NOS1AP: variants seen among roughly 807,000 people sequenced by gnomAD.
The protein encoded by NOS1AP is carboxyl-terminal PDZ ligand of neuronal nitric oxide synthase protein.
In NOS1AP, 21 loss-of-function variants were observed where a neutral mutation model predicts 56.2. The observed-to-expected ratio is 0.37, with a 90% CI of 0.26 to 0.54. The LOEUF is 0.54. Among genes scored for constraint, NOS1AP ranks in the 20% least tolerant of loss-of-function variants. The pLI is 0.84. For missense variants in NOS1AP, 522 were observed against 657.8 expected, an observed-to-expected ratio of 0.79 and a Z score of 2.26; for synonymous variants, 270 against 274.6, an observed-to-expected ratio of 0.98 and a Z score of 0.17.
intron 1 of NOS1AP, among the ~76,000 whole-genome samples, chr1:162,140,292 T>C (rs1649182429): frequency 6.6e-6 from 1 of 152,000 alleles, no homozygotes; most frequent in Admixed American, 6.6e-5. Context: ...TAGGACAGAG[T>C]GTGGTCAATC....
At position 162,355,266 on chromosome 1, in the gene NOS1AP, T is replaced by A. The variant is rs1268500778; in HGVS notation, c.675T>A (p.Leu225=). The A allele has an allele frequency of 1.2e-6, 2 of 1,613,926 alleles. No homozygotes were observed. The highest frequency in any genetic ancestry group is 1.7e-6 in the Non-Finnish European group (2 of 1,180,000). ...ETDIDAVEVP[L]PGNDVLEFSR... ...ACATCGATGCGGTGGAGGTCCCACT[T>A]CCAGGGAATGATGTCCTGGAATTCA... Residue 225 remains leucine (L), a synonymous_variant, in exon 7 of 10, where the codon CTT becomes CTA. Transcript: ENST00000361897.
At chr1:162,181,826 G>T (rs934489654) in intron 2 of NOS1AP, among the ~76,000 whole-genome samples, 6 of 152,304 alleles carry the variant, frequency 3.9e-5, no homozygotes, top group African/African-American at 1.2e-4. Flanking sequence ...TACTCTCCTT[G>T]TATCAGACAG....
At chr1:162,102,263 A>G (rs1226889065) in intron 1 of NOS1AP, among the ~76,000 whole-genome samples, 1 of 152,174 alleles carries the variant, frequency 6.6e-6, no homozygotes, top group Non-Finnish European at 1.5e-5. Context: ...TGATTTGTGT[A>G]TGTTGAACCA....
intron 1 of NOS1AP, among the ~76,000 whole-genome samples, chr1:162,082,113 A>G (rs1691908895): frequency 6.6e-6 from 1 of 151,868 alleles, no homozygotes; most frequent in Non-Finnish European, 1.5e-5. Context: ...GAAAGGCCGC[A>G]GTGTGTGGTG....
intron 1 of NOS1AP, among the ~76,000 whole-genome samples, chr1:162,120,585 G>C (rs2102051304): frequency 6.6e-6 from 1 of 152,334 alleles, no homozygotes; most frequent in South Asian, 2.1e-4. Flanking sequence ...TGTGGCGACA[G>C]GCAAGAGAGA....
At chr1:162,251,670 G>C (rs1377619090) in intron 2 of NOS1AP, among the ~76,000 whole-genome samples, 2 of 150,860 alleles carry the variant, frequency 1.3e-5, no homozygotes, top group Non-Finnish European at 3.0e-5. Flanking sequence ...ATGTGTGTGT[G>C]TATGTGTGTG....
rs189187892 is a variant in NOS1AP at position 162,271,433 on chromosome 1, G to A, written c.178-15911G>A. Among the ~76,000 whole-genome samples, 235 of 152,310 alleles carry A rather than the reference G, an allele frequency of 1.5e-3. 1 individual carries two copies. Among genetic ancestry groups the A allele is most frequent in the East Asian group, 2.9e-3 (15 of 5,188 alleles). The stretch of plus-strand genomic sequence containing the variant: ...GAGGGCCACGTGGTGAGCACCAGCC[G>A]AGGCTAAATAGGATAATAGATATGA... On this transcript the variant is annotated intron_variant, in intron 2 of 9. Transcript: ENST00000361897.
chr1:162,076,151 C>T (rs1157616343), intron 1 of NOS1AP, among the ~76,000 whole-genome samples: 2 of 152,150 alleles, frequency 1.3e-5, no homozygotes, highest in Non-Finnish European at 2.9e-5. Flanking sequence ...TAATTACCTG[C>T]CTTCCCTTTA....
At chr1:162,354,189 G>A (rs1490431278) in intron 6 of NOS1AP, among the ~76,000 whole-genome samples, 2 of 152,242 alleles carry the variant, frequency 1.3e-5, no homozygotes, top group Admixed American at 1.3e-4. Flanking sequence ...CAGCACTGGG[G>A]CATCAGCTCT....
chr1:162,258,676 A>G (rs1483323245), intron 2 of NOS1AP, among the ~76,000 whole-genome samples: 1 of 152,174 alleles, frequency 6.6e-6, no homozygotes, highest in Non-Finnish European at 1.5e-5. Context: ...CTTGGGTGAC[A>G]TTCTGACAGC....
intron 6 of NOS1AP, among the ~76,000 whole-genome samples, chr1:162,346,858 C>T (rs1657310838): frequency 6.6e-6 from 1 of 152,176 alleles, no homozygotes; most frequent in African/African-American, 2.4e-5. Context: ...GATCTTGACT[C>T]ATAAAATATT....
intron 2 of NOS1AP, among the ~76,000 whole-genome samples, chr1:162,159,515 G>A (rs1005492458): frequency 1.3e-5 from 2 of 152,130 alleles, no homozygotes. Flanking sequence ...GAGATACTGA[G>A]CTGCCTCATC....
chr1:162,156,544 G>C (rs1237028797), intron 2 of NOS1AP, among the ~76,000 whole-genome samples: 1 of 152,150 alleles, frequency 6.6e-6, no homozygotes, highest in African/African-American at 2.4e-5. Flanking sequence ...TGTGGTTGCT[G>C]CTGTGATAAG....
intron 1 of NOS1AP, among the ~76,000 whole-genome samples, chr1:162,128,245 T>A (rs904642675): frequency 6.6e-6 from 1 of 152,154 alleles, no homozygotes; most frequent in Non-Finnish European, 1.5e-5. Flanking sequence ...AACCTGATTG[T>A]CCCAACATTG....
intron 1 of NOS1AP, among the ~76,000 whole-genome samples, chr1:162,148,080 G>T (rs908176509): frequency 2.6e-5 from 4 of 152,222 alleles, no homozygotes; most frequent in African/African-American, 9.6e-5. Flanking sequence ...TCCAATTGAA[G>T]TACCTGGATA....
rs745706669 is a variant in NOS1AP at position 162,300,641 on chromosome 1, A to G, written c.279A>G (p.Leu93=). ...AACTTATTCATTTACAGCTTCTTTT[A>G]TTGCAGAAAAAGGAATGGACGTGGG... ...VILKKKKKLL[L]LQKKEWTWDE... The change falls in exon 4 of 10, where the codon TTA becomes TTG. Residue 93 remains leucine, a synonymous_variant. Coordinates refer to ENST00000361897, the MANE Select transcript of NOS1AP (RefSeq NM_014697.3). 1 of 1,613,950 alleles carries G rather than the reference A, an allele frequency of 6.2e-7. No individual in the cohort carries two copies. The highest frequency in any genetic ancestry group is 2.2e-5 in the East Asian group (1 of 44,878).
chr1:162,158,499 A>G (rs981507183), intron 2 of NOS1AP, among the ~76,000 whole-genome samples: 2 of 152,158 alleles, frequency 1.3e-5, no homozygotes, highest in African/African-American at 4.8e-5. Flanking sequence ...AATTTTTGGG[A>G]TATATACCCA....
At chr1:162,084,051 C>T (rs1015895884) in intron 1 of NOS1AP, among the ~76,000 whole-genome samples, 1 of 152,160 alleles carries the variant, frequency 6.6e-6, no homozygotes, top group Non-Finnish European at 1.5e-5. Flanking sequence ...TGTGTCTTTG[C>T]TGAGACTTTT....
chr1:162,081,774 A>ATATAT, intron 1 of NOS1AP, among the ~76,000 whole-genome samples: 5 of 44,056 alleles, frequency 1.1e-4, no homozygotes, highest in Admixed American at 3.2e-4. Context: ...ATATATATAT[A>ATATAT]TTTTTTTTTT....
Sources: gnomAD v4.1 joint callset for allele counts (sites outside exome capture counted in the v4.1 genomes callset) on GRCh38, gnomAD v4.1.1 for gene constraint, MANE v1.5 for transcripts, NCBI Gene and HGNC (gene_info 2026-07-23, HGNC 2026-07-21) for gene names.